The following EIF5A2 variants were observed in gnomAD, a reference collection of about 807,000 sequenced individuals.
EIF5A2 encodes the protein eukaryotic translation initiation factor 5A-2.
EIF5A2 carries 15 observed loss-of-function variants against 16.4 expected under a neutral mutation model. The ratio of observed to expected loss-of-function variants is 0.92; its 90% confidence interval spans 0.61 to 1.41. EIF5A2 has a LOEUF of 1.41. Ranked by LOEUF, EIF5A2 falls within the 40% of genes most tolerant of loss-of-function variation. EIF5A2 has a pLI of 0.00. For synonymous variants in EIF5A2, 48 were observed against 61.1 expected (o/e 0.79, Z 1.00); for missense variants, 144 against 189.5 (o/e 0.76, Z 1.41).
chr3:170,893,217 A>G lies in EIF5A2; in HGVS notation c.*143T>C. The G allele has an allele frequency of 2.9e-6, 2 of 695,352 alleles. No homozygotes were observed. Among genetic ancestry groups the G allele is most frequent in the Non-Finnish European group, 4.2e-6 (2 of 471,878 alleles). 43.1% of individuals were successfully genotyped at this position (695,352 alleles called of 1,614,324 possible). On this transcript the variant is annotated 3_prime_UTR_variant, in exon 5 of 5. Transcript: ENST00000295822. The stretch of plus-strand genomic sequence containing the variant: ...TTTTTAAAAATTATCAATTGCTTGC[A>G]AAACTAACCCAGCACAATCTGAAAA...
intron 3 of EIF5A2, among the ~76,000 whole-genome samples, chr3:170,899,189 T>G (rs970117246): frequency 2.6e-5 from 4 of 152,116 alleles, no homozygotes; most frequent in Non-Finnish European, 5.9e-5. Flanking sequence ...TTCTAACAGT[T>G]TCCTCCACCC....
chr3:170,892,608 G>A lies in EIF5A2; in HGVS notation c.*752C>T. On this transcript the variant is annotated 3_prime_UTR_variant, in exon 5 of 5. Coordinates refer to ENST00000295822, the MANE Select transcript of EIF5A2 (RefSeq NM_020390.6). The stretch of plus-strand genomic sequence containing the variant: ...CTGAGAAACAACTTTTCATTTTTAT[G>A]CTGACTTACAAAGTCCTCACATAAA... 2 of 395,968 alleles carry A rather than the reference G, an allele frequency of 5.1e-6. No individual in the cohort carries two copies. Among genetic ancestry groups the A allele is most frequent in the Non-Finnish European group, 8.9e-6 (2 of 225,032 alleles). The allele number at this position is 395,968 out of a possible 1,614,324, so 24.5% of individuals were successfully genotyped here.
chr3:170,892,936 G>A lies in EIF5A2; in HGVS notation c.*424C>T, dbSNP rs1048806560. 2 of 399,286 alleles carry A rather than the reference G, an allele frequency of 5.0e-6. No homozygotes were observed. The highest frequency in any genetic ancestry group is 4.1e-5 in the African/African-American group (2 of 48,588). 24.7% of individuals were successfully genotyped at this position (399,286 alleles called of 1,614,324 possible). ...GTGCAACAATTCCAATATATAATCA[G>A]TTCATTTTATATTAAATCTGTAATT... On this transcript the variant is annotated 3_prime_UTR_variant, in exon 5 of 5. Coordinates refer to ENST00000295822, the MANE Select transcript of EIF5A2 (RefSeq NM_020390.6).
chr3:170,907,657 C>G lies in EIF5A2; in HGVS notation c.150G>C (p.Lys50Asn), dbSNP rs757341470. 6.2e-7 allele frequency: 1 copy of G among 1,602,324 alleles called. No homozygotes were observed. The change falls in exon 2 of 5, where the codon AAG becomes AAC. Residue 50 changes from lysine (K) to asparagine (N), a missense_variant. By Grantham distance (94) the Lys-to-Asn change is moderately conservative (BLOSUM62 0). Coordinates refer to ENST00000295822, the MANE Select transcript of EIF5A2 (RefSeq NM_020390.6). ...GGGTACTTACCTTGGCATGACCATG[C>G]TTTCCAGTTTTGGAAGTTGACATCT... The part of the protein sequence containing the change: ...IVEMSTSKTG[K>N]HGHAKVHLVG...
At chr3:170,901,049 A>G (rs1015036987) in intron 3 of EIF5A2, among the ~76,000 whole-genome samples, 4 of 152,218 alleles carry the variant, frequency 2.6e-5, no homozygotes, top group Admixed American at 6.5e-5. Flanking sequence ...TCTGAACTGA[A>G]TCTGATTAAG....
intron 3 of EIF5A2, among the ~76,000 whole-genome samples, chr3:170,901,165 G>A (rs1185003896): frequency 6.6e-6 from 1 of 152,202 alleles, no homozygotes; most frequent in African/African-American, 2.4e-5. Flanking sequence ...AAAGTCTACA[G>A]AAGAAATGAT....
intron 3 of EIF5A2, among the ~76,000 whole-genome samples, chr3:170,901,319 T>C (rs1712808485): frequency 6.6e-6 from 1 of 152,164 alleles, no homozygotes; most frequent in Non-Finnish European, 1.5e-5. Flanking sequence ...CTATAGTATA[T>C]ATGAATTCTA....
rs983108599 is a variant in EIF5A2, at chr3:170,889,636, G to A, written c.*3724C>T. The A allele has an allele frequency of 6.6e-6, 1 of 152,496 alleles. No homozygotes were observed. Among genetic ancestry groups the A allele is most frequent in the African/African-American group, 2.4e-5 (1 of 41,422 alleles). The allele number at this position is 152,496 out of a possible 1,614,324, so 9.4% of individuals were successfully genotyped here. On this transcript the variant is annotated 3_prime_UTR_variant, in exon 5 of 5. Coordinates refer to ENST00000295822, the MANE Select transcript of EIF5A2 (RefSeq NM_020390.6). ...ATTTTCACTCTTACACTGCTTAAGA[G>A]CCATATTTTCTCATAGTAAATGCGT...
chr3:170,898,033 G>C (rs547123230), intron 3 of EIF5A2, among the ~76,000 whole-genome samples: 2 of 152,328 alleles, frequency 1.3e-5, no homozygotes, highest in South Asian at 4.1e-4. Flanking sequence ...ACCCTGCTAG[G>C]TTTCGGACTT....
chr3:170,892,475 T>A lies in EIF5A2; in HGVS notation c.*885A>T. The A allele has an allele frequency of 4.0e-6, 1 of 249,536 alleles. No homozygotes were observed. Among genetic ancestry groups the A allele is most frequent in the Non-Finnish European group, 7.5e-6 (1 of 133,324 alleles). 15.5% of individuals were successfully genotyped at this position (249,536 alleles called of 1,614,324 possible). ...GAAGTTGGAAAGGAGTATTTACTGA[T>A]AAATATTACTATTTATTCAACATAG... is the stretch of plus-strand genomic sequence containing the variant. On this transcript the variant is annotated 3_prime_UTR_variant, in exon 5 of 5. Transcript: ENST00000295822.
chr3:170,893,427 G>A lies in EIF5A2; in HGVS notation c.403-8C>T. Reference sequence around the variant, plus strand: ...TGCACACATGACAGACACCTAGAAGGAAAAAAGCAGGCAAAACGTTATTCA... The same window carrying A: ...TGCACACATGACAGACACCTAGAAGAAAAAAAGCAGGCAAAACGTTATTCA... On this transcript the variant is annotated splice_region_variant and splice_polypyrimidine_tract_variant and intron_variant, in intron 4 of 4. Coordinates refer to ENST00000295822, the MANE Select transcript of EIF5A2 (RefSeq NM_020390.6). 6.2e-7 allele frequency: 1 copy of A among 1,613,080 alleles called. No homozygotes were observed. The highest frequency in any genetic ancestry group is 1.3e-5 in the African/African-American group (1 of 74,940).
At chr3:170,902,271 T>A (rs1712836347) in intron 3 of EIF5A2, among the ~76,000 whole-genome samples, 1 of 152,198 alleles carries the variant, frequency 6.6e-6, no homozygotes, top group African/African-American at 2.4e-5. Context: ...CATTATATGA[T>A]GACACCATTC....
At chr3:170,894,542 T>C (rs1576786135) in intron 3 of EIF5A2, 119 bp from the exon 4 acceptor site, 1 of 741,610 alleles carries the variant, frequency 1.3e-6, no homozygotes, top group Non-Finnish European at 2.0e-6. Context: ...TATATTAATA[T>C]TCTTGGTATT....
intron 3 of EIF5A2, among the ~76,000 whole-genome samples, chr3:170,902,456 T>G (rs1227368910): frequency 2.1e-5 from 3 of 142,578 alleles, no homozygotes; most frequent in Non-Finnish European, 4.5e-5. Context: ...CAGGCTACAG[T>G]GCAGTGGTGT....
At position 170,888,876 on chromosome 3, in the gene EIF5A2, CAATA is replaced by C. The variant is rs1192134211; in HGVS notation, c.*4480_*4483del. ...GCTTATTTATAGTAGATATTAACCA[CAATA>C]AATAACTCCTCAAAAAAGATCACAA... On this transcript the variant is annotated 3_prime_UTR_variant, in exon 5 of 5. Coordinates refer to ENST00000295822, the MANE Select transcript of EIF5A2 (RefSeq NM_020390.6). 6.6e-6 allele frequency: 1 copy of C among 152,264 alleles called. No homozygotes were observed. Among genetic ancestry groups the C allele is most frequent in the Non-Finnish European group, 1.5e-5 (1 of 67,944 alleles). 9.4% of individuals were successfully genotyped at this position (152,264 alleles called of 1,614,324 possible). A position where few individuals can be genotyped will look rare whatever the true frequency, so the allele number is the denominator to read the frequency against.
In EIF5A2 at chr3:170,890,398, T is replaced by G. The variant is rs1430198731; in HGVS notation, c.*2962A>C. On this transcript the variant is annotated 3_prime_UTR_variant, in exon 5 of 5. Transcript: ENST00000295822. Reference sequence around the variant, plus strand: ...TCTGATGCAGGAGAGTTTTGGTAATTAACATAAAGCGCTGGTACAGAGACT... The same window carrying G: ...TCTGATGCAGGAGAGTTTTGGTAATGAACATAAAGCGCTGGTACAGAGACT... 2 of 152,094 alleles carry G rather than the reference T, an allele frequency of 1.3e-5. No individual in the cohort carries two copies. The highest frequency in any genetic ancestry group is 2.9e-5 in the Non-Finnish European group (2 of 67,966). The allele number at this position is 152,094 out of a possible 1,614,324, so 9.4% of individuals were successfully genotyped here. A position where few individuals can be genotyped will look rare whatever the true frequency, so the allele number is the denominator to read the frequency against.
intron 2 of EIF5A2, among the ~76,000 whole-genome samples, 182 bp downstream of exon 2, chr3:170,907,460 C>T (rs1024409945): frequency 4.6e-5 from 7 of 152,092 alleles, no homozygotes; most frequent in Admixed American, 3.9e-4. Flanking sequence ...ATTGTAAGGG[C>T]CCAAGAAGGG....
intron 3 of EIF5A2, among the ~76,000 whole-genome samples, chr3:170,900,556 C>G (rs1010161358): frequency 2.0e-5 from 3 of 152,002 alleles, no homozygotes; most frequent in African/African-American, 7.3e-5. Flanking sequence ...GACTCAAGAG[C>G]TAACTTGAAT....
intron 3 of EIF5A2, among the ~76,000 whole-genome samples, chr3:170,903,899 T>C (rs1712870687): frequency 6.6e-6 from 1 of 152,234 alleles, no homozygotes; most frequent in Admixed American, 6.5e-5. Flanking sequence ...AGGTCTACAA[T>C]ATATACTTTA....
Sources: allele counts gnomAD v4.1 joint callset (sites outside exome capture counted in the v4.1 genomes callset), GRCh38; gene constraint gnomAD v4.1.1; transcripts MANE v1.5; gene names NCBI Gene and HGNC (gene_info 2026-07-23, HGNC 2026-07-21).